Variants in STAU2 observed in about 807,000 individuals in gnomAD.
The protein encoded by STAU2 is double-stranded RNA-binding protein Staufen homolog 2.
STAU2 carries 20 observed loss-of-function variants against 65.9 expected under a neutral mutation model. That is an observed-to-expected ratio of 0.30 (90% CI 0.21 to 0.44). The LOEUF (loss-of-function observed/expected upper bound fraction) is 0.44. Ranked by LOEUF, STAU2 falls within the 20% of genes least tolerant of loss-of-function variation. The probability of loss-of-function intolerance (pLI) is 1.00; values close to 1 mark genes in which losing one functional copy is unlikely to be tolerated. For missense variants in STAU2, 558 were observed against 683.9 expected, an observed-to-expected ratio of 0.82 and a Z score of 2.05; for synonymous variants, 232 against 233.9, an observed-to-expected ratio of 0.99 and a Z score of 0.07.
At position 73,552,244 on chromosome 8, in the gene STAU2, C is replaced by A. The variant is rs759416467; in HGVS notation, c.1298G>T (p.Gly433Val). 3 of 1,613,850 alleles carry A rather than the reference C, an allele frequency of 1.9e-6. No individual in the cohort carries two copies. The highest frequency in any genetic ancestry group is 2.5e-6 in the Non-Finnish European group (3 of 1,179,820). ...GGGTGACAAATAGCCTAGAGTAGTG[C>A]CAGAGATTACTTTGTGGCGGCTGGC... The part of the protein sequence containing the change: ...MEASRHKVIS[G>V]TTLGYLSPKD... Residue 433 changes from glycine (G) to valine (V), a missense_variant, in exon 13 of 15, where the codon GGC (glycine) becomes GTC (valine). This residue lies in a region of STAU2 where 247 missense variants were observed against 270.1 expected (regional missense o/e 0.91). Coordinates refer to ENST00000524300, the MANE Select transcript of STAU2 (RefSeq NM_001164380.2).
chr8:73,617,512 T>G, intron 6 of STAU2, 61 bp from the exon 7 acceptor site: 1 of 1,487,974 alleles, frequency 6.7e-7, no homozygotes, highest in Non-Finnish European at 9.2e-7. Flanking sequence ...TAATCATTCA[T>G]AAGATTTGTT....
At chr8:73,437,187 A>C (rs1429903793) in intron 13 of STAU2, among the ~76,000 whole-genome samples, 1 of 152,174 alleles carries the variant, frequency 6.6e-6, no homozygotes, top group East Asian at 1.9e-4. Flanking sequence ...GTCCTAATCC[A>C]TGTCACCTGT....
At chr8:73,582,669 C>CA in intron 12 of STAU2, 101 bp downstream of exon 12, 6 of 1,045,668 alleles carry the variant, frequency 5.7e-6, no homozygotes, top group Non-Finnish European at 8.8e-6. Flanking sequence ...ATACTTAACA[C>CA]AGCCTCTCAG....
At chr8:73,617,583 T>A (rs1434245450) in intron 6 of STAU2, 132 bp from the exon 7 acceptor site, 21 of 842,758 alleles carry the variant, frequency 2.5e-5, no homozygotes, top group Non-Finnish European at 3.6e-5. Flanking sequence ...CTCAAAAACA[T>A]ACTTTTTTGA....
rs1370177674 is a variant in STAU2 at position 73,574,756 on chromosome 8, A to G, written c.1222+8014T>C. Among the ~76,000 whole-genome samples, 2 of 152,074 alleles carry G rather than the reference A, an allele frequency of 1.3e-5. 1 individual carries two copies. Among genetic ancestry groups the G allele is most frequent in the Admixed American group, 1.3e-4 (2 of 15,262 alleles). On this transcript the variant is annotated intron_variant, in intron 12 of 14. Coordinates refer to ENST00000524300, the MANE Select transcript of STAU2 (RefSeq NM_001164380.2). ...GGAACATCACACACTGGGGCCTGTCATGGGGTAGGGGGCTGAGGGAGGGAT... is the reference window on the plus strand; with the variant it reads ...GGAACATCACACACTGGGGCCTGTCGTGGGGTAGGGGGCTGAGGGAGGGAT...
At position 73,465,325 on chromosome 8, in the gene STAU2, A is replaced by AT. The variant is rs528609949; in HGVS notation, c.1531-42624dup. Among the ~76,000 whole-genome samples, 40 of 152,210 alleles carry AT rather than the reference A, an allele frequency of 2.6e-4. No individual in the cohort carries two copies. In the East Asian group the frequency reaches 6.4e-3, roughly 24 times the overall value. ...AATATCGTAGTAAGTATTTAATGGC[A>AT]TTTTTTACCACAGTTCCTTTACAAT... is the stretch of plus-strand genomic sequence containing the variant. On this transcript the variant is annotated intron_variant, in intron 13 of 14. Transcript: ENST00000524300.
intron 13 of STAU2, among the ~76,000 whole-genome samples, chr8:73,508,643 CA>C (rs766049400): frequency 4.3e-4 from 65 of 152,160 alleles, no homozygotes; most frequent in Admixed American, 1.6e-3. Flanking sequence ...AGGGTTGTCA[CA>C]AACCTTCAAC....
intron 6 of STAU2, among the ~76,000 whole-genome samples, chr8:73,666,504 A>C (rs1308062613): frequency 6.6e-6 from 1 of 152,212 alleles, no homozygotes; most frequent in East Asian, 1.9e-4. Context: ...GTAAGTGTCT[A>C]ATTCTGGCCA....
intron 4 of STAU2, among the ~76,000 whole-genome samples, chr8:73,706,265 C>T (rs1171029385): frequency 6.6e-6 from 1 of 151,984 alleles, no homozygotes; most frequent in Non-Finnish European, 1.5e-5. Context: ...TATAGTCACG[C>T]ACCACCACAC....
chr8:73,458,494 C>T (rs1290816077), intron 13 of STAU2, among the ~76,000 whole-genome samples: 1 of 152,158 alleles, frequency 6.6e-6, no homozygotes, highest in Non-Finnish European at 1.5e-5. Flanking sequence ...CATTCTCTCC[C>T]AATACTTGTG....
chr8:73,500,324 T>C (rs765521051), intron 13 of STAU2, among the ~76,000 whole-genome samples: 12 of 151,950 alleles, frequency 7.9e-5, no homozygotes, highest in Non-Finnish European at 1.8e-4. Context: ...ACCTACCACT[T>C]CGTTGGTGTG....
intron 13 of STAU2, among the ~76,000 whole-genome samples, chr8:73,455,422 G>A (rs1819010559): frequency 3.3e-5 from 5 of 152,164 alleles, no homozygotes; most frequent in Admixed American, 2.6e-4. Context: ...AGGCCATCAT[G>A]TTTAGGAGGC....
At chr8:73,668,336 AG>A (rs1417711699) in intron 6 of STAU2, among the ~76,000 whole-genome samples, 3 of 152,164 alleles carry the variant, frequency 2.0e-5, no homozygotes, top group African/African-American at 7.2e-5. Flanking sequence ...TCTCCCCAAG[AG>A]ATATCCCAGT....
At chr8:73,442,172 G>A (rs1296596237) in intron 13 of STAU2, among the ~76,000 whole-genome samples, 1 of 151,978 alleles carries the variant, frequency 6.6e-6, no homozygotes, top group Non-Finnish European at 1.5e-5. Context: ...GGCGAACATG[G>A]TGAAACCCCT....
chr8:73,589,994 GAGAAGGA>G (rs1385496522), intron 11 of STAU2, among the ~76,000 whole-genome samples: 1 of 150,784 alleles, frequency 6.6e-6, no homozygotes, highest in Non-Finnish European at 1.5e-5. Context: ...GAGGGAGGAG[GAGAAGGA>G]AGAGGGAAGA....
Position 73,613,912 on chromosome 8 carries a change from A to T in STAU2, c.723T>A (p.Thr241=), listed in dbSNP as rs1467843491. 6.2e-7 allele frequency: 1 copy of T among 1,613,296 alleles called. No homozygotes were observed. The highest frequency in any genetic ancestry group is 1.7e-5 in the Admixed American group (1 of 59,964). Residue 241 remains threonine (T), a synonymous_variant, in exon 9 of 15, where the codon ACT becomes ACA. Coordinates refer to ENST00000524300, the MANE Select transcript of STAU2 (RefSeq NM_001164380.2). The stretch of plus-strand genomic sequence containing the variant: ...CAGAGAACTCTCCTACTGACACTCG[A>T]GTAACAAAGCTTTTCATATGTGGTG... ...SGPPHMKSFV[T]RVSVGEFSAE... is the part of the protein sequence containing the mutation.
intron 13 of STAU2, among the ~76,000 whole-genome samples, chr8:73,528,863 A>C (rs527310810): frequency 6.6e-6 from 1 of 152,092 alleles, no homozygotes; most frequent in Non-Finnish European, 1.5e-5. Flanking sequence ...TTTTTATTGC[A>C]GAATATGGCC....
chr8:73,648,957 C>A (rs188681904), intron 6 of STAU2, among the ~76,000 whole-genome samples: 11 of 152,094 alleles, frequency 7.2e-5, no homozygotes, highest in African/African-American at 2.7e-4. Flanking sequence ...CAGGCCTGCA[C>A]CACATGCCCA....
chr8:73,646,585 C>T (rs148233533), intron 6 of STAU2, among the ~76,000 whole-genome samples: 134 of 152,216 alleles, frequency 8.8e-4, no homozygotes, highest in African/African-American at 3.2e-3. Flanking sequence ...GAAGCTAATT[C>T]AAAATGTACA....
Sources: gnomAD v4.1 joint callset for allele counts (sites outside exome capture counted in the v4.1 genomes callset) on GRCh38, gnomAD v4.1.1 for gene constraint, gnomAD v4.1.1 regional missense constraint, MANE v1.5 for transcripts, NCBI Gene and HGNC (gene_info 2026-07-23, HGNC 2026-07-21) for gene names.